LTBP1: variants seen among roughly 807,000 people sequenced by gnomAD.
LTBP1 encodes latent transforming growth factor beta binding protein 1.
Under a neutral mutation model 207.6 loss-of-function variants are expected in LTBP1, and 129 were observed. That is an observed-to-expected ratio of 0.62 (90% CI 0.54 to 0.72). The LOEUF is 0.72. Among genes scored for constraint, LTBP1 ranks in the 30% least tolerant of loss-of-function variants. LTBP1 has a pLI of 0.00. For missense variants in LTBP1, 2,281 were observed against 2,217.2 expected (o/e 1.03, Z -0.58); for synonymous variants, 963 against 833.7 (o/e 1.16, Z -2.67).
At chr2:33,275,390 G>A (rs2093404125) in intron 17 of LTBP1, among the ~76,000 whole-genome samples, 1 of 152,164 alleles carries the variant, frequency 6.6e-6, no homozygotes, top group Non-Finnish European at 1.5e-5. Context: ...AGGGAAAGTA[G>A]AAATCAGTTA....
At chr2:33,363,279 G>C (rs1414963792) in intron 28 of LTBP1, 111 bp from the exon 29 acceptor site, 4 of 1,048,434 alleles carry the variant, frequency 3.8e-6, no homozygotes, top group South Asian at 1.7e-5. Context: ...GGATTCTTTG[G>C]AATGTAAATA....
intron 2 of LTBP1, among the ~76,000 whole-genome samples, chr2:32,949,992 A>G (rs148923380): frequency 3.9e-5 from 6 of 152,140 alleles, no homozygotes; most frequent in Non-Finnish European, 8.8e-5. Context: ...TGACTATTGA[A>G]CTCAAACCAC....
chr2:33,069,414 A>G (rs978789021), intron 3 of LTBP1, among the ~76,000 whole-genome samples: 5 of 152,164 alleles, frequency 3.3e-5, no homozygotes, highest in African/African-American at 7.2e-5. Context: ...ATTCCCACTT[A>G]TGATCCATTT....
At chr2:33,329,934 A>G (rs1451740934) in intron 24 of LTBP1, among the ~76,000 whole-genome samples, 1 of 151,968 alleles carries the variant, frequency 6.6e-6, no homozygotes, top group Non-Finnish European at 1.5e-5. Context: ...TGGGATTTTG[A>G]TTGGAATTGA....
At chr2:32,968,140 T>A (rs565896376) in intron 2 of LTBP1, among the ~76,000 whole-genome samples, 1 of 152,176 alleles carries the variant, frequency 6.6e-6, no homozygotes, top group East Asian at 1.9e-4. Context: ...CTAATTTTTG[T>A]ATTTTTTGGT....
chr2:33,175,535 A>G (rs2085942808), intron 5 of LTBP1, among the ~76,000 whole-genome samples: 1 of 152,232 alleles, frequency 6.6e-6, no homozygotes, highest in Non-Finnish European at 1.5e-5. Context: ...GAGAAACAGG[A>G]AAGCTTTTAC....
chr2:33,217,713 T>C, intron 8 of LTBP1, 59 bp downstream of exon 8: 5 of 1,183,290 alleles, frequency 4.2e-6, no homozygotes, highest in Non-Finnish European at 6.2e-6. Flanking sequence ...TTTTTATGAT[T>C]ACTCCTTTAA....
chr2:33,383,662 A>T (rs1343340018), intron 31 of LTBP1, among the ~76,000 whole-genome samples: 1 of 151,950 alleles, frequency 6.6e-6, no homozygotes, highest in South Asian at 2.1e-4. Context: ...CTGGGCTCAG[A>T]TGATCCTCTA....
chr2:33,222,444 A>G (rs2091171481), intron 9 of LTBP1, among the ~76,000 whole-genome samples: 2 of 152,204 alleles, frequency 1.3e-5, no homozygotes, highest in Admixed American at 6.5e-5. Flanking sequence ...TAGTCACCTC[A>G]TATCCTTTCA....
chr2:33,004,275 G>A (rs891516643), intron 2 of LTBP1, among the ~76,000 whole-genome samples: 2 of 152,052 alleles, frequency 1.3e-5, no homozygotes, highest in African/African-American at 2.4e-5. Context: ...CCTAGGGTAA[G>A]GTCCTGCCCA....
At chr2:33,122,981 C>T (rs1305906841) in intron 4 of LTBP1, among the ~76,000 whole-genome samples, 1 of 152,222 alleles carries the variant, frequency 6.6e-6, no homozygotes, top group Non-Finnish European at 1.5e-5. Context: ...GCTGCATGTC[C>T]TGATTACACA....
chr2:33,375,312 T>A (rs2095123644), intron 31 of LTBP1, among the ~76,000 whole-genome samples: 1 of 152,180 alleles, frequency 6.6e-6, no homozygotes, highest in East Asian at 1.9e-4. Context: ...CATGCACTGC[T>A]CCCTGGTTAT....
At position 33,017,134 on chromosome 2, in the gene LTBP1, G is replaced by A. The variant is rs548710873; in HGVS notation, c.566-3775G>A. Among the ~76,000 whole-genome samples, 5 of 152,288 alleles carry A rather than the reference G, an allele frequency of 3.3e-5. No individual in the cohort carries two copies. The South Asian group carries it at 1.0e-3, about 32-fold the overall frequency. ...GTAAATGCTATGAATTTTTGCATTG[G>A]CCATGAAGTAGATGGGGACAAATGT... On this transcript the variant is annotated intron_variant, in intron 2 of 33. Transcript: ENST00000404816.
chr2:33,362,242 C>T (rs73927505), intron 28 of LTBP1, among the ~76,000 whole-genome samples: 1,798 of 152,150 alleles, frequency 0.012, 35 homozygotes, highest in African/African-American at 0.041. Context: ...AGCTGGGAAA[C>T]ACACTGTAAA....
chr2:32,961,469 A>G (rs1331234867), intron 2 of LTBP1, among the ~76,000 whole-genome samples: 2 of 152,228 alleles, frequency 1.3e-5, no homozygotes, highest in Non-Finnish European at 1.5e-5. Flanking sequence ...GATCATAGAA[A>G]ATCTACAGAG....
chr2:32,992,002 TA>T (rs1684494589), intron 2 of LTBP1, among the ~76,000 whole-genome samples: 1 of 152,222 alleles, frequency 6.6e-6, no homozygotes, highest in African/African-American at 2.4e-5. Context: ...CTCCTGCTTA[TA>T]GGGAATTCTT....
At chr2:32,990,766 C>T (rs219152) in intron 2 of LTBP1, among the ~76,000 whole-genome samples, 139,241 of 152,152 alleles carry the variant, frequency 0.92, 64,980 homozygotes, top group East Asian at 1. Flanking sequence ...TGACTCAGTT[C>T]GGTATTATGA....
At chr2:33,111,769 G>A (rs17038522) in intron 4 of LTBP1, among the ~76,000 whole-genome samples, 2 of 151,942 alleles carry the variant, frequency 1.3e-5, no homozygotes, top group Non-Finnish European at 2.9e-5. Context: ...CTCAGTGACC[G>A]GTGGCTAGAC....
At chr2:33,113,452 C>A (rs1378628335) in intron 4 of LTBP1, among the ~76,000 whole-genome samples, 1 of 152,178 alleles carries the variant, frequency 6.6e-6, no homozygotes, top group Non-Finnish European at 1.5e-5. Flanking sequence ...GTGTCAAACG[C>A]AGCACTCTCC....
Sources: allele counts gnomAD v4.1 joint callset (sites outside exome capture counted in the v4.1 genomes callset), GRCh38; gene constraint gnomAD v4.1.1; transcripts MANE v1.5; gene names NCBI Gene and HGNC (gene_info 2026-07-23, HGNC 2026-07-21).